The following SUSD1 variants were observed in gnomAD, a reference collection of about 807,000 sequenced individuals.
SUSD1 encodes the protein sushi domain containing 1, also known as sushi domain-containing protein 1.
In SUSD1, 65 loss-of-function variants were observed where a neutral mutation model predicts 86.9. The ratio of observed to expected loss-of-function variants is 0.75; its 90% confidence interval spans 0.61 to 0.92. SUSD1 has a LOEUF of 0.92. Ranked by LOEUF, SUSD1 falls within the 40% of genes least tolerant of loss-of-function variation. The pLI is 0.00. For missense variants in SUSD1, 850 were observed against 929.7 expected (o/e 0.91, Z 1.11); for synonymous variants, 346 against 350.0 (o/e 0.99, Z 0.13).
chr9:112,135,673 T>C (rs1365203329), intron 5 of SUSD1, among the ~76,000 whole-genome samples: 2 of 152,210 alleles, frequency 1.3e-5, no homozygotes, highest in African/African-American at 4.8e-5. Flanking sequence ...CTGAAGAACT[T>C]TAGACCTTCT....
At chr9:112,123,894 C>T (rs1450251155) in intron 6 of SUSD1, among the ~76,000 whole-genome samples, 6 of 151,972 alleles carry the variant, frequency 3.9e-5, no homozygotes, top group Non-Finnish European at 8.8e-5. Context: ...AACTATTTTT[C>T]GTCATACCAC....
chr9:112,165,703 C>T (rs572377066), intron 1 of SUSD1, among the ~76,000 whole-genome samples: 1 of 151,828 alleles, frequency 6.6e-6, no homozygotes, highest in Admixed American at 6.6e-5. Flanking sequence ...AGCTACCACA[C>T]CTGGCATACA....
chr9:112,139,323 G>C (rs530752193), intron 5 of SUSD1, among the ~76,000 whole-genome samples: 5 of 152,110 alleles, frequency 3.3e-5, no homozygotes, highest in African/African-American at 9.6e-5. Flanking sequence ...AGATTTATAA[G>C]TAAAATTTAG....
Position 112,077,499 on chromosome 9 carries a change from CTTTTTTTTTTTTT to C in SUSD1, c.1753+1026_1753+1038del, listed in dbSNP as rs869259276. ...ATCATTGTCCCCTGATAGTAATCTACTTTTTTTTTTTTTTTTTTTTTTTTTTTTTTGAGATGGA... is the reference window on the plus strand; with the variant it reads ...ATCATTGTCCCCTGATAGTAATCTACTTTTTTTTTTTTTTTTTGAGATGGA... On this transcript the variant is annotated intron_variant, in intron 12 of 16. Coordinates refer to ENST00000374270, the MANE Select transcript of SUSD1 (RefSeq NM_022486.5). Among the ~76,000 whole-genome samples, 562 of 66,422 alleles carry C rather than the reference CTTTTTTTTTTTTT, an allele frequency of 8.5e-3. 6 individuals are homozygous for C. The highest frequency in any genetic ancestry group is 0.033 in the African/African-American group (540 of 16,526). The allele number at this position is 66,422 out of a possible 152,430, so 43.6% of individuals were successfully genotyped here.
intron 6 of SUSD1, among the ~76,000 whole-genome samples, chr9:112,121,275 G>A (rs569600394): frequency 5.9e-5 from 9 of 151,712 alleles, no homozygotes; most frequent in African/African-American, 9.7e-5. Flanking sequence ...TTGAATTCGC[G>A]ATGGAGATAA....
chr9:112,137,895 T>A (rs1186597459), intron 5 of SUSD1: 1 of 151,884 alleles, frequency 6.6e-6, no homozygotes, highest in African/African-American at 2.4e-5. Flanking sequence ...AGCATTCCAT[T>A]AAAAAAATTT....
At position 112,163,926 on chromosome 9, in the gene SUSD1, G is replaced by A. The variant is rs534300661; in HGVS notation, c.104-6313C>T. ...TGAGGCAAGAGGATCACTTGAACCC[G>A]GAAGGCAGAGGTTGCAGTGAGCCAA... On this transcript the variant is annotated intron_variant, in intron 1 of 16. Coordinates refer to ENST00000374270, the MANE Select transcript of SUSD1 (RefSeq NM_022486.5). 1.3e-4 allele frequency among the ~76,000 whole-genome samples: 20 copies of A among 151,154 alleles called. No homozygotes were observed. In the South Asian group the frequency reaches 1.5e-3, roughly 11 times the overall value.
intron 1 of SUSD1, among the ~76,000 whole-genome samples, chr9:112,160,611 C>G (rs1397038711): frequency 1.3e-5 from 2 of 151,928 alleles, no homozygotes; most frequent in Non-Finnish European, 2.9e-5. Context: ...TGCCTGTAAT[C>G]TCAGCATTTG....
intron 10 of SUSD1, among the ~76,000 whole-genome samples, chr9:112,094,764 G>T (rs1370269182): frequency 2.6e-5 from 4 of 152,218 alleles, no homozygotes; most frequent in Non-Finnish European, 5.9e-5. Flanking sequence ...TTAAATAGGG[G>T]AGCGAGAATA....
chr9:112,160,042 A>AT lies in SUSD1; in HGVS notation c.104-2430_104-2429insA, dbSNP rs1366059118. ...GGCAGCCAAGAAAAAGAAAAAAAAAAGAAAACACTAGAATTTTAATATAAG... is the reference window on the plus strand; with the variant it reads ...GGCAGCCAAGAAAAAGAAAAAAAAAATGAAAACACTAGAATTTTAATATAAG... On this transcript the variant is annotated intron_variant, in intron 1 of 16. Coordinates refer to ENST00000374270, the MANE Select transcript of SUSD1 (RefSeq NM_022486.5). Among the ~76,000 whole-genome samples the AT allele has an allele frequency of 3.3e-5, 5 of 152,174 alleles. No individual in the cohort carries two copies. The East Asian group carries it at 7.7e-4, about 23-fold the overall frequency.
In SUSD1 at chr9:112,175,215, A is replaced by C; in HGVS notation, c.21T>G (p.Asp7Glu). 8.7e-7 allele frequency: 1 copy of C among 1,148,674 alleles called. No individual in the cohort carries two copies. The highest frequency in any genetic ancestry group is 4.2e-5 in the South Asian group (1 of 23,782). The allele number at this position is 1,148,674 out of a possible 1,614,324, so 71.2% of individuals were successfully genotyped here. Residue 7 changes from aspartate (D) to glutamate (E), a missense_variant, in exon 1 of 17, where the codon GAT (aspartate) becomes GAG (glutamate). By Grantham distance (45) the Asp-to-Glu change is conservative. Transcript: ENST00000374270. The surrounding 1 kb of genome is among the most constrained non-coding windows in gnomAD (Gnocchi z 4.7). MGRGPW[D>E]AGPSRRLLPL... Reference sequence around the variant, plus strand: ...GCAGCAGGCGGCGAGACGGGCCCGCATCCCAGGGCCCCCGGCCCATGCCGC... The same window carrying C: ...GCAGCAGGCGGCGAGACGGGCCCGCCTCCCAGGGCCCCCGGCCCATGCCGC...
chr9:112,138,247 ATATATATATGTG>A (rs1832378579), intron 5 of SUSD1, among the ~76,000 whole-genome samples: 2 of 115,862 alleles, frequency 1.7e-5, no homozygotes, highest in South Asian at 5.1e-4. Context: ...GTATATATAT[ATATATATATGTG>A]TATATACATA....
At position 112,052,390 on chromosome 9, in the gene SUSD1, T is replaced by C. The variant is rs1449475363; in HGVS notation, c.2149+9A>G. The stretch of plus-strand genomic sequence containing the variant: ...AAGGACAGCATTCATAGGCAGAAAA[T>C]AATTTTACCTTTCACCTGAGCCCAA... On this transcript the variant is annotated intron_variant, in intron 15 of 16. Coordinates refer to ENST00000374270, the MANE Select transcript of SUSD1 (RefSeq NM_022486.5). 6.2e-7 allele frequency: 1 copy of C among 1,613,938 alleles called. No homozygotes were observed. The highest frequency in any genetic ancestry group is 1.1e-5 in the South Asian group (1 of 91,074).
At chr9:112,062,812 A>G (rs1052663724) in intron 13 of SUSD1, 125 bp downstream of exon 13, 12 of 574,324 alleles carry the variant, frequency 2.1e-5, no homozygotes, top group East Asian at 2.8e-5. Context: ...AGAGGCCCCA[A>G]CTGCATTGTT....
At chr9:112,151,483 A>G (rs1365783313) in intron 2 of SUSD1, among the ~76,000 whole-genome samples, 6 of 151,206 alleles carry the variant, frequency 4.0e-5, no homozygotes, top group African/African-American at 1.5e-4. Flanking sequence ...TGTAATTCCA[A>G]CTACTCAGGA....
In SUSD1 at chr9:112,040,994, T is replaced by C. The variant is rs1827711186; in HGVS notation, c.*498A>G. On this transcript the variant is annotated 3_prime_UTR_variant, in exon 17 of 17. Coordinates refer to ENST00000374270, the MANE Select transcript of SUSD1 (RefSeq NM_022486.5). ...AACATTTGCCTACGTCACTGTTCTC[T>C]TTTTCAATGACCTCCTTCATAAAGT... 1 of 170,174 alleles carries C rather than the reference T, an allele frequency of 5.9e-6. No homozygotes were observed. Among genetic ancestry groups the C allele is most frequent in the Non-Finnish European group, 1.3e-5 (1 of 79,298 alleles). 10.5% of individuals were successfully genotyped at this position (170,174 alleles called of 1,614,324 possible).
intron 10 of SUSD1, among the ~76,000 whole-genome samples, chr9:112,094,441 C>T (rs7032451): frequency 0.65 from 98,360 of 151,996 alleles, 32,675 homozygotes; most frequent in African/African-American, 0.78. Context: ...AAACTCAGAC[C>T]GGGGATTCTA....
intron 13 of SUSD1, among the ~76,000 whole-genome samples, chr9:112,062,182 C>G (rs188619211): frequency 2.6e-5 from 4 of 152,270 alleles, no homozygotes; most frequent in Middle Eastern, 3.4e-3. Flanking sequence ...TGCACACCCC[C>G]CAAGATCAAC....
chr9:112,104,356 A>T (rs189013287), intron 8 of SUSD1, among the ~76,000 whole-genome samples: 2,160 of 151,062 alleles, frequency 0.014, 21 homozygotes, highest in Middle Eastern at 0.059. Flanking sequence ...GGTATATATT[A>T]AAAAAAAATA....
Sources: allele counts gnomAD v4.1 joint callset (sites outside exome capture counted in the v4.1 genomes callset), GRCh38; gene constraint gnomAD v4.1.1; non-coding constraint Gnocchi (gnomAD v3.1); transcripts MANE v1.5; gene names NCBI Gene and HGNC (gene_info 2026-07-23, HGNC 2026-07-21).